Variants in GULP1 observed in about 807,000 individuals in gnomAD.
GULP1 encodes the protein GULP PTB domain containing engulfment adaptor 1, also known as PTB domain-containing engulfment adapter protein 1.
Under a neutral mutation model 40.9 loss-of-function variants are expected in GULP1, and 19 were observed. That is an observed-to-expected ratio of 0.46 (90% CI 0.32 to 0.68). GULP1 has a LOEUF of 0.68. Among genes scored for constraint, GULP1 ranks in the 30% least tolerant of loss-of-function variants. The pLI, the probability that GULP1 is intolerant of heterozygous loss-of-function variation, is 0.03. For missense variants in GULP1, 312 were observed against 362.2 expected, an observed-to-expected ratio of 0.86 and a Z score of 1.12; for synonymous variants, 119 against 117.6, an observed-to-expected ratio of 1.01 and a Z score of -0.08.
In GULP1 at chr2:188,429,017, G is replaced by A. The variant is rs1365314823; in HGVS notation, c.-45+45128G>A. On this transcript the variant is annotated intron_variant, in intron 2 of 11. Transcript: ENST00000409830. ...GGCAGCTAAATATTTAAATTATTTG[G>A]GACTAAGTCAAAGAACATATTATAT... Among the ~76,000 whole-genome samples the A allele has an allele frequency of 2.6e-4, 39 of 151,920 alleles. 1 individual carries two copies. The highest frequency in any genetic ancestry group is 2.4e-3 in the Admixed American group (37 of 15,260).
chr2:188,446,688 A>G (rs985061625), intron 2 of GULP1, among the ~76,000 whole-genome samples: 5 of 152,204 alleles, frequency 3.3e-5, no homozygotes, highest in Non-Finnish European at 4.4e-5. Flanking sequence ...ACTTTTTGAC[A>G]TGTTTATCAA....
intron 1 of GULP1, among the ~76,000 whole-genome samples, chr2:188,335,292 CTTCTT>C (rs1395162662): frequency 1.3e-5 from 2 of 152,076 alleles, no homozygotes; most frequent in African/African-American, 4.8e-5. Flanking sequence ...TTAATTCTCT[CTTCTT>C]GTGGCTGTTG....
chr2:188,447,404 T>G (rs1472217476), intron 2 of GULP1, among the ~76,000 whole-genome samples: 4 of 152,160 alleles, frequency 2.6e-5, no homozygotes. Flanking sequence ...AGAGGAAGAA[T>G]CTGTTCAGAT....
chr2:188,554,147 T>A (rs989775177), intron 7 of GULP1, among the ~76,000 whole-genome samples: 3 of 152,014 alleles, frequency 2.0e-5, no homozygotes, highest in African/African-American at 4.8e-5. Context: ...TTTCATTTAG[T>A]TCTGCTCTGA....
At chr2:188,420,154 G>A (rs954007296) in intron 2 of GULP1, among the ~76,000 whole-genome samples, 3 of 152,074 alleles carry the variant, frequency 2.0e-5, no homozygotes, top group Non-Finnish European at 4.4e-5. Flanking sequence ...TTTCTGGATT[G>A]TTTTGGCTAT....
At chr2:188,556,149 C>T (rs1254925109) in intron 7 of GULP1, among the ~76,000 whole-genome samples, 1 of 151,818 alleles carries the variant, frequency 6.6e-6, no homozygotes, top group Non-Finnish European at 1.5e-5. Flanking sequence ...ATGCTTTCTT[C>T]ACCCTTGGGA....
chr2:188,401,130 A>G (rs957863480), intron 2 of GULP1, among the ~76,000 whole-genome samples: 7 of 152,160 alleles, frequency 4.6e-5, no homozygotes, highest in African/African-American at 1.7e-4. Flanking sequence ...TAGTATATAA[A>G]TGGTACCTGA....
chr2:188,447,431 A>G (rs1377484807), intron 2 of GULP1, among the ~76,000 whole-genome samples: 1 of 152,048 alleles, frequency 6.6e-6, no homozygotes, highest in African/African-American at 2.4e-5. Context: ...GGGGCCTTAT[A>G]AGTTTTTTTA....
rs553790212 is a variant in GULP1 at position 188,476,238 on chromosome 2, A to G, written c.-44-1421A>G. Among the ~76,000 whole-genome samples the G allele has an allele frequency of 3.9e-5, 6 of 152,268 alleles. No individual in the cohort carries two copies. The East Asian group carries it at 1.2e-3, about 29-fold the overall frequency. On this transcript the variant is annotated intron_variant, in intron 2 of 11. Transcript: ENST00000409830. ...CACATACTTCGGAATAAAGAATGTG[A>G]TAAAATTATGAAGGTCTCCTAGCAG... is the stretch of plus-strand genomic sequence containing the variant.
In GULP1 at chr2:188,492,936, T is replaced by C. The variant is rs762572807; in HGVS notation, c.90+9444T>C. ...GAAGTGAATAGCTGACTTAAATTTCTGCCTGGTAGCATAGTCCACCCCAGT... is the reference window on the plus strand; with the variant it reads ...GAAGTGAATAGCTGACTTAAATTTCCGCCTGGTAGCATAGTCCACCCCAGT... On this transcript the variant is annotated intron_variant, in intron 4 of 11. Transcript: ENST00000409830. 2.0e-5 allele frequency among the ~76,000 whole-genome samples: 3 copies of C among 152,102 alleles called. No individual in the cohort carries two copies. The East Asian group carries it at 5.8e-4, about 29-fold the overall frequency.
At chr2:188,315,937 A>G (rs748684938) in intron 1 of GULP1, among the ~76,000 whole-genome samples, 1 of 152,096 alleles carries the variant, frequency 6.6e-6, no homozygotes, top group African/African-American at 2.4e-5. Flanking sequence ...AGATTAAGGG[A>G]GGCTATTGTT....
chr2:188,518,470 C>CA (rs1320540232), intron 4 of GULP1, among the ~76,000 whole-genome samples: 2 of 151,998 alleles, frequency 1.3e-5, no homozygotes, highest in Non-Finnish European at 2.9e-5. Flanking sequence ...TTAGCCAAGT[C>CA]AGTCGTTGGC....
At chr2:188,316,891 G>A (rs76038637) in intron 1 of GULP1, among the ~76,000 whole-genome samples, 104 of 152,180 alleles carry the variant, frequency 6.8e-4, no homozygotes, top group African/African-American at 2.4e-3. Flanking sequence ...TATTTGATGA[G>A]TGAATGAAGA....
At chr2:188,438,758 C>T (rs1056511654) in intron 2 of GULP1, among the ~76,000 whole-genome samples, 1 of 144,166 alleles carries the variant, frequency 6.9e-6, no homozygotes, top group East Asian at 2.1e-4. Context: ...GTAGTTAAAA[C>T]ACATGTTTTC....
chr2:188,341,112 G>T (rs2042911261), intron 1 of GULP1, among the ~76,000 whole-genome samples: 1 of 152,136 alleles, frequency 6.6e-6, no homozygotes. Context: ...TTCCGGGCTT[G>T]AGAGGTGGGG....
At chr2:188,443,557 A>G (rs10931359) in intron 2 of GULP1, among the ~76,000 whole-genome samples, 73,806 of 152,030 alleles carry the variant, frequency 0.49, 18,384 homozygotes, top group East Asian at 0.69. Flanking sequence ...AGTTTCACTC[A>G]TCTAGAACAG....
chr2:188,313,292 T>G (rs909888437), intron 1 of GULP1, among the ~76,000 whole-genome samples: 4 of 152,174 alleles, frequency 2.6e-5, no homozygotes, highest in African/African-American at 9.7e-5. Context: ...GAGTTAATTT[T>G]TGCATCAGGT....
intron 1 of GULP1, among the ~76,000 whole-genome samples, chr2:188,315,080 T>A (rs548289795): frequency 2.9e-4 from 44 of 152,094 alleles, no homozygotes; most frequent in Non-Finnish European, 6.0e-4. Context: ...AAGCTGAATG[T>A]TTTCAACTTA....
chr2:188,312,450 A>C (rs1428212321), intron 1 of GULP1, among the ~76,000 whole-genome samples: 1 of 152,114 alleles, frequency 6.6e-6, no homozygotes, highest in Non-Finnish European at 1.5e-5. Context: ...TTCCAGCTTC[A>C]TCCATGTCCC....
Sources: allele counts gnomAD v4.1 joint callset (sites outside exome capture counted in the v4.1 genomes callset), GRCh38; gene constraint gnomAD v4.1.1; transcripts MANE v1.5; gene names NCBI Gene and HGNC (gene_info 2026-07-23, HGNC 2026-07-21).